The following SHANK2 variants were observed in gnomAD, a reference collection of about 807,000 sequenced individuals.
SHANK2 encodes the protein SH3 and multiple ankyrin repeat domains 2, also known as SH3 and multiple ankyrin repeat domains protein 2.
Under a neutral mutation model 133.7 loss-of-function variants are expected in SHANK2, and 43 were observed. The observed-to-expected ratio is 0.32, with a 90% CI of 0.25 to 0.41. The LOEUF is 0.41. SHANK2 is among the 10% of genes least tolerant of loss of function. SHANK2 has a pLI of 1.00. For synonymous variants in SHANK2, 1,017 were observed against 952.8 expected (o/e 1.07, Z -1.24); for missense variants, 1,994 against 2,235.8 (o/e 0.89, Z 2.18).
intron 17 of SHANK2, among the ~76,000 whole-genome samples, chr11:70,586,583 G>A (rs1410929381): frequency 6.6e-6 from 1 of 152,254 alleles, no homozygotes; most frequent in African/African-American, 2.4e-5. Flanking sequence ...TGGCCAAGGG[G>A]CACATGCTGG....
rs1240772617 is a variant in SHANK2, at chr11:71,228,557, A to G, written c.-112-3761T>C. On this transcript the variant is annotated intron_variant, in intron 1 of 25. Coordinates refer to ENST00000601538, the MANE Select transcript of SHANK2 (RefSeq NM_012309.5). ...TGCATTACCCGAGGTCAGGAGTTCA[A>G]GGCCAGCCTGGCCAACATGATGAAA... Among the ~76,000 whole-genome samples, 4 of 152,220 alleles carry G rather than the reference A, an allele frequency of 2.6e-5. No homozygotes were observed. In the East Asian group the frequency reaches 7.7e-4, roughly 29 times the overall value.
chr11:70,738,248 C>T lies in SHANK2; in HGVS notation c.1778-39485G>A, dbSNP rs575341067. ...GGTAGATGCTCGAGCCTTACAACAA[C>T]CGAAGCTTCCGAGGAAACCGCGTCT... is the stretch of plus-strand genomic sequence containing the variant. On this transcript the variant is annotated intron_variant, in intron 14 of 25. Coordinates refer to ENST00000601538, the MANE Select transcript of SHANK2 (RefSeq NM_012309.5). Among the ~76,000 whole-genome samples the T allele has an allele frequency of 4.5e-4, 68 of 152,388 alleles. 1 individual carries two copies. In the South Asian group the frequency reaches 5.0e-3, roughly 11 times the overall value.
intron 17 of SHANK2, among the ~76,000 whole-genome samples, chr11:70,598,171 C>T (rs978136014): frequency 1.3e-5 from 2 of 152,206 alleles, no homozygotes; most frequent in East Asian, 3.9e-4. Flanking sequence ...AGATGGAGCC[C>T]GTTTGCAGCT....
intron 14 of SHANK2, among the ~76,000 whole-genome samples, chr11:70,771,235 G>A (rs1010832724): frequency 6.6e-6 from 1 of 152,170 alleles, no homozygotes; most frequent in African/African-American, 2.4e-5. Flanking sequence ...CCCAGAGACA[G>A]TTTCTATAAA....
intron 15 of SHANK2, among the ~76,000 whole-genome samples, chr11:70,662,419 C>T (rs963137038): frequency 1.3e-5 from 2 of 152,144 alleles, no homozygotes; most frequent in African/African-American, 2.4e-5. Context: ...TGGGAGAGGG[C>T]GGGGAGGGGG....
chr11:70,683,818 C>T (rs1007043780), intron 15 of SHANK2, among the ~76,000 whole-genome samples: 1 of 151,294 alleles, frequency 6.6e-6, no homozygotes, highest in Non-Finnish European at 1.5e-5. Context: ...GAGTCTCCCT[C>T]TGTTGCCCAG....
chr11:70,753,173 T>TAAAAAAAAAAAA (rs201365664), intron 14 of SHANK2, among the ~76,000 whole-genome samples: 1 of 121,616 alleles, frequency 8.2e-6, no homozygotes, highest in Non-Finnish European at 1.8e-5. Flanking sequence ...ACAGAACTGT[T>TAAAAAAAAAAAA]AAAAAAAAAA....
At chr11:70,496,115 G>A (rs2058966872) in intron 21 of SHANK2, among the ~76,000 whole-genome samples, 2 of 152,194 alleles carry the variant, frequency 1.3e-5, no homozygotes, top group African/African-American at 2.4e-5. Context: ...GGCCCTGCAG[G>A]GGAAGGCCTG....
Position 70,501,922 on chromosome 11 carries a change from C to T in SHANK2, c.2287+1G>A. 6.4e-7 allele frequency: 1 copy of T among 1,559,842 alleles called. No homozygotes were observed. Among genetic ancestry groups the T allele is most frequent in the Non-Finnish European group, 8.7e-7 (1 of 1,151,184 alleles). On this transcript the variant is annotated splice_donor_variant, in intron 20 of 25. Transcript: ENST00000601538. LOFTEE classifies it high-confidence loss of function. The stretch of plus-strand genomic sequence containing the variant: ...TTTGGGGACCCAGTGGGGCTGCTTA[C>T]CTTTATCCACTAGTGAGAGGCCCAA...
chr11:71,142,675 C>T (rs189787128), intron 3 of SHANK2, among the ~76,000 whole-genome samples: 2 of 152,144 alleles, frequency 1.3e-5, no homozygotes, highest in African/African-American at 4.8e-5. Flanking sequence ...TAACAAAATA[C>T]AGGAAAACAT....
intron 17 of SHANK2, among the ~76,000 whole-genome samples, chr11:70,512,856 G>C (rs1195631288): frequency 6.6e-6 from 1 of 152,132 alleles, no homozygotes; most frequent in African/African-American, 2.4e-5. Flanking sequence ...AATAGAGTTA[G>C]GACATAATTT....
chr11:71,178,797 A>C (rs919340843), intron 2 of SHANK2, among the ~76,000 whole-genome samples: 2 of 152,134 alleles, frequency 1.3e-5, no homozygotes, highest in African/African-American at 4.8e-5. Flanking sequence ...CAGCCTGGCC[A>C]ACACGGTGAA....
chr11:71,175,202 C>G lies in SHANK2; in HGVS notation c.-12-27864G>C, dbSNP rs1337953654. 2.0e-5 allele frequency among the ~76,000 whole-genome samples: 3 copies of G among 152,144 alleles called. No individual in the cohort carries two copies. Among genetic ancestry groups the G allele is most frequent in the Non-Finnish European group, 4.4e-5 (3 of 68,030 alleles). On this transcript the variant is annotated intron_variant, in intron 2 of 25. Coordinates refer to ENST00000601538, the MANE Select transcript of SHANK2 (RefSeq NM_012309.5). This position sits in a 1 kb window ranked among gnomAD's most constrained non-coding sequence, Gnocchi z 4.2. The stretch of plus-strand genomic sequence containing the variant: ...CCCATCGTCTTCGCCAGTGCTTCCT[C>G]GGCACCTAGTCCAACTCAGCACAAG...
intron 15 of SHANK2, among the ~76,000 whole-genome samples, chr11:70,669,990 G>A (rs782171809): frequency 6.6e-6 from 1 of 152,248 alleles, no homozygotes; most frequent in Non-Finnish European, 1.5e-5. Context: ...GGCTGTGGGT[G>A]TGATGTCTGA....
intron 14 of SHANK2, among the ~76,000 whole-genome samples, chr11:70,758,352 C>T (rs2134958860): frequency 6.6e-6 from 1 of 152,194 alleles, no homozygotes. Flanking sequence ...TCCACCACTG[C>T]TGTTCACCGC....
At chr11:71,093,123 T>C (rs965859087) in intron 7 of SHANK2, among the ~76,000 whole-genome samples, 1 of 145,644 alleles carries the variant, frequency 6.9e-6, no homozygotes, top group Non-Finnish European at 1.5e-5. Context: ...TGCCCAGAAA[T>C]GCAGGGCAGG....
At position 70,796,072 on chromosome 11, in the gene SHANK2, G is replaced by A. The variant is rs1456456691; in HGVS notation, c.1777+2371C>T. Among the ~76,000 whole-genome samples, 6 of 152,030 alleles carry A rather than the reference G, an allele frequency of 3.9e-5. No individual in the cohort carries two copies. In the East Asian group the frequency reaches 5.8e-4, roughly 15 times the overall value. On this transcript the variant is annotated intron_variant, in intron 14 of 25. Transcript: ENST00000601538. ...ACAGTAAACACAAACACAAACCACC[G>A]CCCCTCTGGAAGCTGCCTGCACAGG...
chr11:70,664,875 T>C (rs1944650962), intron 15 of SHANK2, among the ~76,000 whole-genome samples: 1 of 152,164 alleles, frequency 6.6e-6, no homozygotes, highest in Non-Finnish European at 1.5e-5. Context: ...GTCACTGACC[T>C]ATCAGGCCCC....
intron 12 of SHANK2, among the ~76,000 whole-genome samples, chr11:70,818,780 C>T (rs1044960125): frequency 6.6e-6 from 1 of 152,218 alleles, no homozygotes; most frequent in South Asian, 2.1e-4. Context: ...GATCAGGCCT[C>T]GACCCTGTCT....
Sources: allele counts gnomAD v4.1 joint callset (sites outside exome capture counted in the v4.1 genomes callset), GRCh38; gene constraint gnomAD v4.1.1; non-coding constraint Gnocchi (gnomAD v3.1); transcripts MANE v1.5; gene names NCBI Gene and HGNC (gene_info 2026-07-23, HGNC 2026-07-21).